DLGAP1: variants seen among roughly 807,000 people sequenced by gnomAD.
DLGAP1 encodes disks large-associated protein 1.
DLGAP1 carries 11 observed loss-of-function variants against 90.8 expected under a neutral mutation model. The observed-to-expected ratio is 0.12, with a 90% CI of 0.08 to 0.20. The LOEUF (loss-of-function observed/expected upper bound fraction) is 0.20. Among genes scored for constraint, DLGAP1 ranks in the 10% least tolerant of loss-of-function variants. The pLI is 1.00. For synonymous variants in DLGAP1, 558 were observed against 540.7 expected (o/e 1.03, Z -0.44); for missense variants, 1,050 against 1,333.8 (o/e 0.79, Z 3.31).
At chr18:4,320,875 T>G (rs943281903) in intron 1 of DLGAP1, among the ~76,000 whole-genome samples, 1 of 152,362 alleles carries the variant, frequency 6.6e-6, no homozygotes, top group Non-Finnish European at 1.5e-5. Context: ...TAGTATTTAT[T>G]GTGTATTGTG....
intron 1 of DLGAP1, among the ~76,000 whole-genome samples, chr18:4,312,897 T>G (rs2080435996): frequency 6.6e-6 from 1 of 152,182 alleles, no homozygotes; most frequent in Admixed American, 6.5e-5. Flanking sequence ...ATTTATTAAC[T>G]CTCTATGGTA....
intron 3 of DLGAP1, among the ~76,000 whole-genome samples, chr18:3,991,211 C>G (rs1468607635): frequency 6.6e-6 from 1 of 152,052 alleles, no homozygotes; most frequent in Non-Finnish European, 1.5e-5. Context: ...TTTCCTGTAT[C>G]TCTAAAGCAC....
At position 4,046,037 on chromosome 18, in the gene DLGAP1, C is replaced by T. The variant is rs575468136; in HGVS notation, c.-158-40836G>A. Among the ~76,000 whole-genome samples the T allele has an allele frequency of 2.0e-5, 3 of 152,252 alleles. No homozygotes were observed. The East Asian group carries it at 5.8e-4, about 29-fold the overall frequency. On this transcript the variant is annotated intron_variant, in intron 2 of 12. Transcript: ENST00000315677. ...TAAGAGCCAAGTTTATCTTACAGCA[C>T]TAAAATTATCAGATTCCATAAGAAG...
At chr18:3,762,605 T>C (rs1205119162) in intron 5 of DLGAP1, among the ~76,000 whole-genome samples, 4 of 152,230 alleles carry the variant, frequency 2.6e-5, no homozygotes, top group Admixed American at 6.5e-5. Flanking sequence ...CTTAAATAAT[T>C]CTTTTGATGT....
chr18:3,810,040 G>A (rs1317896171), intron 5 of DLGAP1, among the ~76,000 whole-genome samples: 1 of 152,120 alleles, frequency 6.6e-6, no homozygotes, highest in Non-Finnish European at 1.5e-5. Context: ...AATATTCTTG[G>A]GTGATACGCC....
intron 7 of DLGAP1, among the ~76,000 whole-genome samples, chr18:3,676,122 T>C (rs549699838): frequency 4.3e-4 from 65 of 152,330 alleles, no homozygotes; most frequent in Non-Finnish European, 5.9e-4. Flanking sequence ...CCGGCAGTTG[T>C]GCCAATCATG....
intron 3 of DLGAP1, among the ~76,000 whole-genome samples, chr18:3,926,746 T>G (rs560265274): frequency 8.5e-5 from 13 of 152,246 alleles, no homozygotes; most frequent in African/African-American, 2.9e-4. Flanking sequence ...TCTTGAGACT[T>G]GGCAGCAATG....
intron 1 of DLGAP1, among the ~76,000 whole-genome samples, chr18:4,186,993 G>A (rs2077307305): frequency 6.6e-6 from 1 of 152,018 alleles, no homozygotes; most frequent in African/African-American, 2.4e-5. Context: ...GATTAGCTAG[G>A]TATTGTCTTT....
chr18:3,934,906 A>G (rs1338997119), intron 3 of DLGAP1, among the ~76,000 whole-genome samples: 2 of 152,256 alleles, frequency 1.3e-5, no homozygotes, highest in African/African-American at 2.4e-5. Context: ...TCAAAAGCAC[A>G]GGTTTTAGGA....
At chr18:4,350,082 A>G (rs1360362949) in intron 1 of DLGAP1, among the ~76,000 whole-genome samples, 1 of 152,192 alleles carries the variant, frequency 6.6e-6, no homozygotes, top group Admixed American at 6.5e-5. Context: ...ATAAAACAAC[A>G]GAAGAGAAGC....
At chr18:3,602,610 A>C (rs997434023) in intron 7 of DLGAP1, among the ~76,000 whole-genome samples, 7 of 151,714 alleles carry the variant, frequency 4.6e-5, no homozygotes, top group Admixed American at 1.3e-4. Flanking sequence ...AAAAAAAAAA[A>C]AAAAAACAAA....
rs1179044912 is a variant in DLGAP1 at position 3,729,026 on chromosome 18, T to C, written c.1591+109A>G. 45 of 1,453,938 alleles carry C rather than the reference T, an allele frequency of 3.1e-5. No homozygotes were observed. In the South Asian group the frequency reaches 5.9e-4, roughly 19 times the overall value. The allele number at this position is 1,453,938 out of a possible 1,614,324, so 90.1% of individuals were successfully genotyped here. A position where few individuals can be genotyped will look rare whatever the true frequency, so the allele number is the denominator to read the frequency against. On this transcript the variant is annotated intron_variant, in intron 7 of 12. Coordinates refer to ENST00000315677, the MANE Select transcript of DLGAP1 (RefSeq NM_004746.4). This position sits in a 1 kb window ranked among gnomAD's most constrained non-coding sequence, Gnocchi z 6.2. ...CCTTTGGTTTGTAGGACATGGGTGG[T>C]ATCTTGTTCCTGGCAACTATGTGTG...
chr18:3,915,671 A>G (rs1043639824), intron 3 of DLGAP1, among the ~76,000 whole-genome samples: 3 of 152,222 alleles, frequency 2.0e-5, no homozygotes, highest in African/African-American at 4.8e-5. Flanking sequence ...AAAACAAGGA[A>G]AACAGCATAC....
At chr18:3,772,120 C>CTT (rs980476068) in intron 5 of DLGAP1, among the ~76,000 whole-genome samples, 20 of 151,072 alleles carry the variant, frequency 1.3e-4, no homozygotes, top group African/African-American at 4.7e-4. Context: ...TCTTTCCTTT[C>CTT]TTTCTTTTCT....
chr18:3,900,124 A>T (rs2071749046), intron 3 of DLGAP1, among the ~76,000 whole-genome samples: 1 of 152,208 alleles, frequency 6.6e-6, no homozygotes, highest in African/African-American at 2.4e-5. Flanking sequence ...AAGCTGTAAG[A>T]CTGGACCCAT....
chr18:4,372,938 G>A (rs1177849981), intron 1 of DLGAP1, among the ~76,000 whole-genome samples: 1 of 148,972 alleles, frequency 6.7e-6, no homozygotes, highest in Non-Finnish European at 1.5e-5. Flanking sequence ...AAAAAAAAAA[G>A]AAAAGAAAAA....
chr18:4,398,616 G>C (rs182583603), intron 1 of DLGAP1, among the ~76,000 whole-genome samples: 3 of 152,192 alleles, frequency 2.0e-5, no homozygotes. Flanking sequence ...CATTATTGCT[G>C]CTATGAAAAG....
At chr18:4,288,838 T>C (rs748413779) in intron 1 of DLGAP1, among the ~76,000 whole-genome samples, 14 of 152,102 alleles carry the variant, frequency 9.2e-5, no homozygotes, top group African/African-American at 1.5e-4. Context: ...TGGGATTTGA[T>C]TCGCATAACA....
At chr18:4,390,427 A>G (rs1172023022) in intron 1 of DLGAP1, among the ~76,000 whole-genome samples, 1 of 152,116 alleles carries the variant, frequency 6.6e-6, no homozygotes, top group Non-Finnish European at 1.5e-5. Context: ...TGCACATTCT[A>G]CGAGCTTTGA....
Sources: allele counts gnomAD v4.1 joint callset (sites outside exome capture counted in the v4.1 genomes callset), GRCh38; gene constraint gnomAD v4.1.1; non-coding constraint Gnocchi (gnomAD v3.1); transcripts MANE v1.5; gene names NCBI Gene and HGNC (gene_info 2026-07-23, HGNC 2026-07-21).